Variants in SESTD1 observed in about 807,000 individuals in gnomAD.
SESTD1 encodes SEC14 and spectrin domain containing 1, also known as SEC14 domain and spectrin repeat-containing protein 1.
SESTD1 carries 43 observed loss-of-function variants against 101.7 expected under a neutral mutation model. The ratio of observed to expected loss-of-function variants is 0.42; its 90% CI spans 0.33 to 0.55. The LOEUF (loss-of-function observed/expected upper bound fraction) is 0.55, where lower values mean the gene tolerates loss of function less well. SESTD1 is among the 20% of genes least tolerant of loss of function. The probability of loss-of-function intolerance (pLI) is 0.07; values close to 1 mark genes in which losing one functional copy is unlikely to be tolerated. For synonymous variants in SESTD1, 283 were observed against 286.8 expected (o/e 0.99, Z 0.13); for missense variants, 647 against 815.1 (o/e 0.79, Z 2.51).
chr2:179,236,889 G>C (rs1402835970), intron 1 of SESTD1, among the ~76,000 whole-genome samples: 1 of 151,330 alleles, frequency 6.6e-6, no homozygotes, highest in African/African-American at 2.4e-5. Context: ...ATTTTACCAA[G>C]TAGTTTTACT....
chr2:179,220,212 C>T (rs1348676177), intron 1 of SESTD1, among the ~76,000 whole-genome samples: 2 of 152,180 alleles, frequency 1.3e-5, no homozygotes, highest in Non-Finnish European at 2.9e-5. Context: ...CCTTCTCCAC[C>T]CCTCTAGGCA....
At chr2:179,158,546 A>T (rs146413675) in intron 5 of SESTD1, among the ~76,000 whole-genome samples, 105 of 152,322 alleles carry the variant, frequency 6.9e-4, no homozygotes, top group African/African-American at 2.4e-3. Flanking sequence ...AACAGTACAG[A>T]TTCACCTTCT....
intron 5 of SESTD1, among the ~76,000 whole-genome samples, chr2:179,160,951 A>C (rs2045724533): frequency 6.6e-6 from 1 of 152,030 alleles, no homozygotes; most frequent in Non-Finnish European, 1.5e-5. Context: ...TTTTTTTTAG[A>C]GACAGGGTCT....
chr2:179,185,771 G>GTATAT (rs2046216157), intron 2 of SESTD1, among the ~76,000 whole-genome samples: 1 of 110,384 alleles, frequency 9.1e-6, no homozygotes, highest in African/African-American at 3.5e-5. Context: ...ATATAATATA[G>GTATAT]CATATACAAT....
chr2:179,196,866 A>C (rs1404569869), intron 1 of SESTD1, among the ~76,000 whole-genome samples: 1 of 152,246 alleles, frequency 6.6e-6, no homozygotes, highest in Non-Finnish European at 1.5e-5. Context: ...GAAAAAACAG[A>C]GAAGAAAAAC....
At position 179,229,782 on chromosome 2, in the gene SESTD1, TACACACACACAC is replaced by T. The variant is rs141203169; in HGVS notation, c.-26+34705_-26+34716del. 7.8e-5 allele frequency among the ~76,000 whole-genome samples: 9 copies of T among 115,458 alleles called. No individual in the cohort carries two copies. The East Asian group carries it at 1.7e-3, about 22-fold the overall frequency. The allele number at this position is 115,458 out of a possible 152,430, so 75.7% of individuals were successfully genotyped here. A position where few individuals can be genotyped will look rare whatever the true frequency, so the allele number is the denominator to read the frequency against. ...ATATATATATATATATATACTCAAA[TACACACACACAC>T]ACACACACACACACACACACACAAC... is the stretch of plus-strand genomic sequence containing the variant. On this transcript the variant is annotated intron_variant, in intron 1 of 17. Coordinates refer to ENST00000428443, the MANE Select transcript of SESTD1 (RefSeq NM_178123.5).
chr2:179,114,331 T>C (rs187200531), intron 16 of SESTD1, among the ~76,000 whole-genome samples: 4 of 152,304 alleles, frequency 2.6e-5, no homozygotes, highest in Admixed American at 6.5e-5. Context: ...TGGATCAAGT[T>C]AGGTTTGCTA....
chr2:179,199,152 T>C (rs1202770372), intron 1 of SESTD1, among the ~76,000 whole-genome samples: 4 of 151,944 alleles, frequency 2.6e-5, no homozygotes, highest in Non-Finnish European at 5.9e-5. Context: ...AAATACAAAC[T>C]ACCATCAGAG....
At position 179,109,909 on chromosome 2, in the gene SESTD1, G is replaced by C. The variant is rs1262513630; in HGVS notation, c.2081C>G (p.Thr694Arg). ...QQLRHPEMVT[T>R]ES The stretch of plus-strand genomic sequence containing the variant: ...GGTAGCTGGTAGCTATTAGCTCTCT[G>C]TGGTCACCATTTCAGGATGTCTCAG... The change falls in exon 18 of 18, where the codon ACA (threonine) becomes AGA (arginine). Residue 694 changes from threonine (T) to arginine (R), a missense_variant. Physicochemically the swap from Thr to Arg is moderately conservative, Grantham distance 71 (BLOSUM62 -1). This residue lies in a region of SESTD1 where 476 missense variants were observed against 562.6 expected (regional missense o/e 0.85). Transcript: ENST00000428443. 9.9e-6 allele frequency: 16 copies of C among 1,613,778 alleles called. No individual in the cohort carries two copies. Among genetic ancestry groups the C allele is most frequent in the Non-Finnish European group, 1.4e-5 (16 of 1,179,878 alleles).
At chr2:179,174,297 C>T in intron 4 of SESTD1, 1 of 376,520 alleles carries the variant, frequency 2.7e-6, no homozygotes. Context: ...AGTAAAAAGG[C>T]CATTGCAACT....
chr2:179,210,875 G>A (rs1393818688), intron 1 of SESTD1, among the ~76,000 whole-genome samples: 1 of 134,326 alleles, frequency 7.4e-6, no homozygotes, highest in Non-Finnish European at 1.6e-5. Context: ...ATCTAAATCG[G>A]TAAAGAAGAC....
chr2:179,207,077 A>T (rs1262662818), intron 1 of SESTD1, among the ~76,000 whole-genome samples: 1 of 133,458 alleles, frequency 7.5e-6, no homozygotes. Context: ...AGCTCAGACT[A>T]GTCTAACCCT....
intron 1 of SESTD1, among the ~76,000 whole-genome samples, chr2:179,229,732 T>C (rs924010959): frequency 1.4e-5 from 2 of 139,044 alleles, no homozygotes; most frequent in Admixed American, 7.4e-5. Flanking sequence ...TAAAGAAATT[T>C]AAGATTTTGT....
intron 5 of SESTD1, among the ~76,000 whole-genome samples, chr2:179,155,067 C>T (rs953381574): frequency 2.0e-5 from 3 of 152,030 alleles, no homozygotes; most frequent in Admixed American, 2.0e-4. Context: ...GGCGTGCCAC[C>T]ATGCTCGGCT....
Position 179,212,723 on chromosome 2 carries a change from G to A in SESTD1, c.-25-20857C>T, listed in dbSNP as rs538825732. On this transcript the variant is annotated intron_variant, in intron 1 of 17. Coordinates refer to ENST00000428443, the MANE Select transcript of SESTD1 (RefSeq NM_178123.5). ...CTGACCCCCGTGTACCTAACTGGGA[G>A]ACACCTCCCAGTAGCAGCCCAAAGA... Among the ~76,000 whole-genome samples, 2 of 135,286 alleles carry A rather than the reference G, an allele frequency of 1.5e-5. 1 individual carries two copies. The highest frequency in any genetic ancestry group is 3.2e-5 in the Non-Finnish European group (2 of 62,784). 88.8% of individuals were successfully genotyped at this position (135,286 alleles called of 152,430 possible). A position where few individuals can be genotyped will look rare whatever the true frequency, so the allele number is the denominator to read the frequency against.
rs1485752202 is a variant in SESTD1, at chr2:179,102,859, T to G, written c.*7040A>C. 1 of 152,142 alleles carries G rather than the reference T, an allele frequency of 6.6e-6. No homozygotes were observed. The highest frequency in any genetic ancestry group is 2.4e-5 in the African/African-American group (1 of 41,432). 9.4% of individuals were successfully genotyped at this position (152,142 alleles called of 1,614,324 possible). On this transcript the variant is annotated 3_prime_UTR_variant, in exon 18 of 18. Transcript: ENST00000428443. ...CCCGTAAAAGCATAGCTATCCCCTA[T>G]GCAAAACTGTGAGGTAGAATTTTTC...
intron 5 of SESTD1, among the ~76,000 whole-genome samples, chr2:179,163,719 GAAGTT>G (rs903063184): frequency 2.6e-4 from 39 of 151,950 alleles, no homozygotes; most frequent in African/African-American, 9.2e-4. Context: ...ACATGCTAGA[GAAGTT>G]AAGACAAGAC....
intron 1 of SESTD1, among the ~76,000 whole-genome samples, chr2:179,262,479 T>C (rs2105564812): frequency 6.6e-6 from 1 of 152,320 alleles, no homozygotes; most frequent in African/African-American, 2.4e-5. Context: ...CTCTGCTTGC[T>C]ACTTTTTATT....
chr2:179,253,191 T>C (rs1201395143), intron 1 of SESTD1, among the ~76,000 whole-genome samples: 1 of 151,724 alleles, frequency 6.6e-6, no homozygotes, highest in African/African-American at 2.4e-5. Context: ...TGTCTTAAAA[T>C]AAATCACCAG....
Sources: gnomAD v4.1 joint callset for allele counts (sites outside exome capture counted in the v4.1 genomes callset) on GRCh38, gnomAD v4.1.1 for gene constraint, gnomAD v4.1.1 regional missense constraint, MANE v1.5 for transcripts, NCBI Gene and HGNC (gene_info 2026-07-23, HGNC 2026-07-21) for gene names.